The following DLGAP2 variants were observed in gnomAD, a reference collection of about 807,000 sequenced individuals.
DLGAP2 encodes DLG associated protein 2.
In DLGAP2, 26 loss-of-function variants were observed where a neutral mutation model predicts 100.3. The observed-to-expected ratio is 0.26, with a 90% CI of 0.19 to 0.36. The LOEUF (loss-of-function observed/expected upper bound fraction) is 0.36. DLGAP2 is among the 10% of genes least tolerant of loss of function. DLGAP2 has a pLI of 1.00. For synonymous variants in DLGAP2, 886 were observed against 630.1 expected, an observed-to-expected ratio of 1.41 and a Z score of -6.08; for missense variants, 1,858 against 1,453.2, an observed-to-expected ratio of 1.28 and a Z score of -4.53.
chr8:1,631,308 G>A (rs533603155), intron 7 of DLGAP2, among the ~76,000 whole-genome samples: 2 of 152,180 alleles, frequency 1.3e-5, no homozygotes, highest in African/African-American at 4.8e-5. Context: ...GCCCTGGGTC[G>A]GGCTTACAGA....
intron 3 of DLGAP2, among the ~76,000 whole-genome samples, chr8:1,298,706 AT>A (rs1300267593): frequency 3.3e-5 from 5 of 152,200 alleles, no homozygotes; most frequent in African/African-American, 1.2e-4. Flanking sequence ...GCATGCATGC[AT>A]GCCAGAGGGG....
chr8:1,605,763 A>G (rs1796777427), intron 6 of DLGAP2, among the ~76,000 whole-genome samples: 1 of 152,074 alleles, frequency 6.6e-6, no homozygotes, highest in Non-Finnish European at 1.5e-5. Context: ...GCAGCTCCCC[A>G]CTCTGGAAGT....
At chr8:1,107,425 G>T (rs1352648462) in intron 2 of DLGAP2, among the ~76,000 whole-genome samples, 1 of 152,186 alleles carries the variant, frequency 6.6e-6, no homozygotes, top group Non-Finnish European at 1.5e-5. Context: ...TTCCAGAGGC[G>T]TCCAAAGGAA....
chr8:1,557,368 C>T (rs1802000376), intron 5 of DLGAP2, among the ~76,000 whole-genome samples: 2 of 152,216 alleles, frequency 1.3e-5, no homozygotes, highest in African/African-American at 2.4e-5. Context: ...GGAAAGAGCC[C>T]CTGGTGAGAT....
At chr8:911,977 T>C (rs1798494182) in intron 2 of DLGAP2, among the ~76,000 whole-genome samples, 1 of 152,218 alleles carries the variant, frequency 6.6e-6, no homozygotes. Context: ...TTGGGAAAAT[T>C]AAGTTACACA....
chr8:1,042,070 G>A (rs996418612), intron 2 of DLGAP2, among the ~76,000 whole-genome samples: 2 of 152,182 alleles, frequency 1.3e-5, no homozygotes, highest in Admixed American at 1.3e-4. Flanking sequence ...GTGTCTCTGG[G>A]CCGTGTCCTC....
At chr8:1,669,706 C>G (rs755459074) in intron 9 of DLGAP2, 37 bp from the exon 10 acceptor site, 8 of 780,828 alleles carry the variant, frequency 1.0e-5, no homozygotes. Context: ...GGCCTCCGAA[C>G]CAGGTCTCCA....
chr8:1,262,906 T>C (rs897611517), intron 3 of DLGAP2, among the ~76,000 whole-genome samples: 2 of 152,144 alleles, frequency 1.3e-5, no homozygotes, highest in Non-Finnish European at 2.9e-5. Context: ...ATTTGTCTGT[T>C]GGTTTACATT....
intron 2 of DLGAP2, among the ~76,000 whole-genome samples, chr8:967,426 A>G (rs1328840737): frequency 1.3e-5 from 2 of 152,098 alleles, no homozygotes; most frequent in East Asian, 3.9e-4. Context: ...ATTTGATTCT[A>G]AGAAAAAGTA....
chr8:1,228,866 A>T (rs1255011608), intron 2 of DLGAP2, among the ~76,000 whole-genome samples: 1 of 152,192 alleles, frequency 6.6e-6, no homozygotes, highest in East Asian at 1.9e-4. Context: ...AGTGACCGGG[A>T]GCAAGACAAA....
intron 3 of DLGAP2, among the ~76,000 whole-genome samples, chr8:1,303,223 C>G (rs910070120): frequency 6.6e-6 from 1 of 152,048 alleles, no homozygotes; most frequent in African/African-American, 2.4e-5. Flanking sequence ...CGGTGAAACC[C>G]CGTCTCTACT....
chr8:1,542,614 C>T (rs748693470), intron 4 of DLGAP2, among the ~76,000 whole-genome samples: 1 of 152,248 alleles, frequency 6.6e-6, no homozygotes, highest in Non-Finnish European at 1.5e-5. Flanking sequence ...TTGTGCGGTA[C>T]AGCCCCCATG....
At chr8:1,115,624 G>T (rs1482690973) in intron 2 of DLGAP2, among the ~76,000 whole-genome samples, 3 of 152,192 alleles carry the variant, frequency 2.0e-5, no homozygotes, top group Non-Finnish European at 4.4e-5. Flanking sequence ...GATCCTTCTT[G>T]TAGGCAGTGG....
chr8:1,514,687 G>A (rs1438651655), intron 4 of DLGAP2, among the ~76,000 whole-genome samples: 2 of 152,194 alleles, frequency 1.3e-5, no homozygotes, highest in Non-Finnish European at 2.9e-5. Flanking sequence ...TTCTAAAGGA[G>A]GGGACAGCAC....
intron 1 of DLGAP2, among the ~76,000 whole-genome samples, chr8:762,969 G>A (rs565230871): frequency 6.6e-6 from 1 of 152,096 alleles, no homozygotes; most frequent in African/African-American, 2.4e-5. Flanking sequence ...GAGCCACTGC[G>A]CCCAGCTGAC....
intron 3 of DLGAP2, among the ~76,000 whole-genome samples, chr8:1,295,766 G>C (rs947728496): frequency 6.6e-6 from 1 of 152,228 alleles, no homozygotes; most frequent in Non-Finnish European, 1.5e-5. Flanking sequence ...GCTGTGGGGT[G>C]TGTCCCAGCC....
intron 3 of DLGAP2, among the ~76,000 whole-genome samples, chr8:1,269,777 C>G (rs1025442129): frequency 6.6e-6 from 1 of 152,024 alleles, no homozygotes; most frequent in Non-Finnish European, 1.5e-5. Flanking sequence ...AAAAGGCTGG[C>G]GAGGATTTTT....
At chr8:1,056,250 G>T (rs1205907700) in intron 2 of DLGAP2, among the ~76,000 whole-genome samples, 2 of 152,186 alleles carry the variant, frequency 1.3e-5, no homozygotes, top group Non-Finnish European at 2.9e-5. Context: ...ACAAGGGCCT[G>T]GTCACGTGGG....
intron 8 of DLGAP2, among the ~76,000 whole-genome samples, chr8:1,648,079 G>A (rs1023963857): frequency 2.6e-5 from 4 of 152,146 alleles, no homozygotes; most frequent in South Asian, 2.1e-4. Flanking sequence ...AAATTAACCC[G>A]TGCGTGTACC....
Sources: gnomAD v4.1 joint callset for allele counts (sites outside exome capture counted in the v4.1 genomes callset) on GRCh38, gnomAD v4.1.1 for gene constraint, MANE v1.5 for transcripts, NCBI Gene and HGNC (gene_info 2026-07-23, HGNC 2026-07-21) for gene names.